Variants in LSMEM2 observed in about 807,000 individuals in gnomAD.
LSMEM2 encodes leucine rich single-pass membrane protein 2, also known as leucine-rich single-pass membrane protein 2.
LSMEM2 carries 20 observed loss-of-function variants against 17.3 expected under a neutral mutation model. The observed-to-expected ratio is 1.16, with a 90% CI of 0.81 to 1.68. LSMEM2 has a LOEUF of 1.68. Ranked by LOEUF, LSMEM2 falls within the 40% of genes most tolerant of loss-of-function variation. LSMEM2 has a pLI of 0.00. For missense variants in LSMEM2, 207 were observed against 214.3 expected (o/e 0.97, Z 0.21); for synonymous variants, 94 against 97.8 (o/e 0.96, Z 0.23).
intron 1 of LSMEM2, among the ~76,000 whole-genome samples, chr3:50,285,863 G>A (rs931250212): frequency 1.3e-5 from 2 of 152,184 alleles, no homozygotes; most frequent in Admixed American, 6.5e-5. Flanking sequence ...GGGGGGCGGG[G>A]ACTGCAAACA....
rs587610083 is a variant in LSMEM2 at position 50,284,965 on chromosome 3, G to A, written c.59-1506G>A. Among the ~76,000 whole-genome samples, 5 of 152,126 alleles carry A rather than the reference G, an allele frequency of 3.3e-5. No homozygotes were observed. In the South Asian group the frequency reaches 1.0e-3, roughly 32 times the overall value. ...ACAGGAGAATCACTTGAACCCAGGA[G>A]GTGGAGGTTGCAATGAGCCAAGATT... On this transcript the variant is annotated intron_variant, in intron 1 of 3. Coordinates refer to ENST00000316436, the MANE Select transcript of LSMEM2 (RefSeq NM_153215.3).
chr3:50,282,983 G>A lies in LSMEM2; in HGVS notation c.59-3488G>A, dbSNP rs193221084. Among the ~76,000 whole-genome samples, 261 of 150,386 alleles carry A rather than the reference G, an allele frequency of 1.7e-3. 4 individuals carry two copies. Among genetic ancestry groups the A allele is most frequent in the Non-Finnish European group, 3.0e-4 (20 of 67,646 alleles). Reference sequence around the variant, plus strand: ...GAGCAGATCACGAGGTCAAGAGATCGAGACCATCCTGGCCAACATGGTGAA... The same window carrying A: ...GAGCAGATCACGAGGTCAAGAGATCAAGACCATCCTGGCCAACATGGTGAA... On this transcript the variant is annotated intron_variant, in intron 1 of 3. Coordinates refer to ENST00000316436, the MANE Select transcript of LSMEM2 (RefSeq NM_153215.3).
intron 1 of LSMEM2, among the ~76,000 whole-genome samples, chr3:50,281,001 C>T (rs1312108059): frequency 1.3e-5 from 2 of 151,822 alleles, no homozygotes; most frequent in Non-Finnish European, 2.9e-5. Flanking sequence ...CTGTAATAAA[C>T]AATTCACATT....
At chr3:50,280,545 T>G (rs1553707632) in intron 1 of LSMEM2, among the ~76,000 whole-genome samples, 1 of 151,320 alleles carries the variant, frequency 6.6e-6, no homozygotes, top group African/African-American at 2.4e-5. Flanking sequence ...TCCCTGGTCT[T>G]GAACTCCTGG....
In LSMEM2 at chr3:50,286,510, G is replaced by T; in HGVS notation, c.98G>T (p.Gly33Val). 2 of 1,610,954 alleles carry T rather than the reference G, an allele frequency of 1.2e-6. No homozygotes were observed. ...APMMPSQRSRGPLAPNHVHEV... is the reference protein window; with the variant it reads ...APMMPSQRSRVPLAPNHVHEV... The stretch of plus-strand genomic sequence containing the variant: ...ATGATGCCCAGCCAGAGGAGCAGGG[G>T]GCCATTGGCCCCCAACCACGTGCAT... The change falls in exon 2 of 4, where the codon GGG (glycine) becomes GTG (valine). Residue 33 changes from glycine (G) to valine (V), a missense_variant. Transcript: ENST00000316436.
intron 1 of LSMEM2, among the ~76,000 whole-genome samples, chr3:50,282,284 C>T (rs782556992): frequency 2.0e-4 from 31 of 152,178 alleles, no homozygotes; most frequent in Non-Finnish European, 4.1e-4. Context: ...CCACAGTGCC[C>T]GGCCCAAAGA....
chr3:50,279,081 G>A, upstream of LSMEM2: 2 of 1,612,606 alleles, frequency 1.2e-6, no homozygotes, highest in Non-Finnish European at 1.7e-6. Flanking sequence ...TCACAAAGGA[G>A]CCACTGCTGC....
Position 50,287,505 on chromosome 3 carries a change from G to T in LSMEM2, c.*303G>T. On this transcript the variant is annotated 3_prime_UTR_variant, in exon 4 of 4. Coordinates refer to ENST00000316436, the MANE Select transcript of LSMEM2 (RefSeq NM_153215.3). ...ACTCTCTGGCCACCCCAGATGGCAG[G>T]TTCTGAAGTCTAGAAATAGCTGCCC... is the stretch of plus-strand genomic sequence containing the variant. 1 of 436,542 alleles carries T rather than the reference G, an allele frequency of 2.3e-6. No homozygotes were observed. Among genetic ancestry groups the T allele is most frequent in the Non-Finnish European group, 4.2e-6 (1 of 236,580 alleles). The allele number at this position is 436,542 out of a possible 1,614,324, so 27.0% of individuals were successfully genotyped here.
chr3:50,280,321 A>G (rs1701363511), intron 1 of LSMEM2, among the ~76,000 whole-genome samples: 1 of 151,106 alleles, frequency 6.6e-6, no homozygotes, highest in African/African-American at 2.4e-5. Context: ...TGCCCGGCTA[A>G]TTTTTGTATT....
rs918094156 is a variant in LSMEM2 at position 50,287,753 on chromosome 3, C to T, written c.*551C>T. On this transcript the variant is annotated 3_prime_UTR_variant, in exon 4 of 4. Coordinates refer to ENST00000316436, the MANE Select transcript of LSMEM2 (RefSeq NM_153215.3). ...GGGGTTAAGACCACAGAAGGCTGACCGTTCTGTTTAATTATCTGTAATAAT... is the reference window on the plus strand; with the variant it reads ...GGGGTTAAGACCACAGAAGGCTGACTGTTCTGTTTAATTATCTGTAATAAT... The T allele has an allele frequency of 8.0e-5, 17 of 212,484 alleles. No homozygotes were observed. Among genetic ancestry groups the T allele is most frequent in the Non-Finnish European group, 1.3e-4 (14 of 104,740 alleles). 13.2% of individuals were successfully genotyped at this position (212,484 alleles called of 1,614,324 possible).
rs1163891294 is a variant in LSMEM2, at chr3:50,287,302, A to G, written c.*100A>G. ...CCCTACTGCTGGCTGCCACATCTAC[A>G]CTATTTCCTTGGTGAGATTTTTGTA... is the stretch of plus-strand genomic sequence containing the variant. On this transcript the variant is annotated 3_prime_UTR_variant, in exon 4 of 4. Coordinates refer to ENST00000316436, the MANE Select transcript of LSMEM2 (RefSeq NM_153215.3). 6.1e-6 allele frequency: 9 copies of G among 1,471,236 alleles called. No individual in the cohort carries two copies. In the African/African-American group the frequency reaches 9.7e-5, roughly 16 times the overall value. The allele number at this position is 1,471,236 out of a possible 1,614,324, so 91.1% of individuals were successfully genotyped here.
At chr3:50,286,310 TG>T in intron 1 of LSMEM2, 160 bp from the exon 2 acceptor site, 1 of 647,154 alleles carries the variant, frequency 1.5e-6, no homozygotes, top group Non-Finnish European at 1.9e-6. Flanking sequence ...GGGATCATCC[TG>T]GATCCAAATC....
intron 1 of LSMEM2, among the ~76,000 whole-genome samples, chr3:50,279,980 A>G (rs989090836): frequency 2.0e-5 from 3 of 151,558 alleles, no homozygotes; most frequent in Non-Finnish European, 2.9e-5. Flanking sequence ...GATTCAAGCA[A>G]TTCTCTGCCT....
chr3:50,284,899 G>A (rs1416878260), intron 1 of LSMEM2, among the ~76,000 whole-genome samples: 2 of 152,012 alleles, frequency 1.3e-5, no homozygotes, highest in Admixed American at 6.5e-5. Flanking sequence ...AGCAGGGCGT[G>A]GTGGCACACA....
chr3:50,279,203 G>C (rs782356696), intron 1 of LSMEM2, 32 bp downstream of exon 1: 1 of 1,603,256 alleles, frequency 6.2e-7, no homozygotes, highest in South Asian at 1.1e-5. Context: ...GGAGGGCAAG[G>C]CCTCAGTCCT....
chr3:50,280,064 G>A (rs782361761), intron 1 of LSMEM2, among the ~76,000 whole-genome samples: 1 of 150,496 alleles, frequency 6.6e-6, no homozygotes, highest in Non-Finnish European at 1.5e-5. Flanking sequence ...TAGTAGAGAC[G>A]GGGGTTCACC....
At chr3:50,280,989 T>C (rs1575481573) in intron 1 of LSMEM2, among the ~76,000 whole-genome samples, 1 of 152,134 alleles carries the variant, frequency 6.6e-6, no homozygotes, top group African/African-American at 2.4e-5. Context: ...TGTGTGTTTT[T>C]CCTGTAATAA....
intron 1 of LSMEM2, among the ~76,000 whole-genome samples, chr3:50,279,546 A>G (rs1433620133): frequency 1.3e-5 from 2 of 152,198 alleles, no homozygotes; most frequent in Non-Finnish European, 2.9e-5. Context: ...GTGGTTCCAG[A>G]AAGCATTTGG....
intron 1 of LSMEM2, among the ~76,000 whole-genome samples, chr3:50,285,605 ACTC>A (rs1553708287): frequency 1.2e-4 from 18 of 152,296 alleles, no homozygotes; most frequent in African/African-American, 3.9e-4. Context: ...ACGACATAGC[ACTC>A]CAGCCTGGGC....
Sources: allele counts gnomAD v4.1 joint callset (sites outside exome capture counted in the v4.1 genomes callset), GRCh38; gene constraint gnomAD v4.1.1; transcripts MANE v1.5; gene names NCBI Gene and HGNC (gene_info 2026-07-23, HGNC 2026-07-21).